The following ITPK1 variants were observed in gnomAD, a reference collection of about 807,000 sequenced individuals.
ITPK1 encodes the protein inositol 1,3,4-trisphosphate 5/6-kinase.
In ITPK1, 21 loss-of-function variants were observed where a neutral mutation model predicts 45.3. That is an observed-to-expected ratio of 0.46 (90% CI 0.33 to 0.67). The LOEUF is 0.67. Ranked by LOEUF, ITPK1 falls within the 30% of genes least tolerant of loss-of-function variation. The pLI is 0.02. For synonymous variants in ITPK1, 258 were observed against 253.6 expected (o/e 1.02, Z -0.16); for missense variants, 474 against 573.5 (o/e 0.83, Z 1.77).
At chr14:92,948,851 G>GACCCACA (rs1388194799) in intron 9 of ITPK1, among the ~76,000 whole-genome samples, 1 of 101,746 alleles carries the variant, frequency 9.8e-6, no homozygotes, top group East Asian at 2.9e-4. Context: ...CCAAGTCCGG[G>GACCCACA]CGCCGCCCAC....
intron 2 of ITPK1, among the ~76,000 whole-genome samples, chr14:93,099,948 G>A (rs1179767318): frequency 6.6e-6 from 1 of 152,222 alleles, no homozygotes; most frequent in Non-Finnish European, 1.5e-5. Flanking sequence ...AGAGCTGGAA[G>A]CTGAGGGAGA....
intron 10 of ITPK1, 66 bp from the exon 11 acceptor site, chr14:92,941,970 A>G: frequency 1.4e-6 from 2 of 1,412,930 alleles, no homozygotes; most frequent in East Asian, 2.4e-5. Flanking sequence ...AGGGAGGAGG[A>G]GGAGGAGGCA....
At chr14:93,091,275 A>G (rs1891856208) in intron 2 of ITPK1, among the ~76,000 whole-genome samples, 1 of 152,226 alleles carries the variant, frequency 6.6e-6, no homozygotes, top group African/African-American at 2.4e-5. Context: ...GTCAGTACAG[A>G]ATACTCAGGC....
chr14:93,065,294 T>C (rs1044007776), intron 3 of ITPK1, among the ~76,000 whole-genome samples: 1 of 152,204 alleles, frequency 6.6e-6, no homozygotes, highest in Non-Finnish European at 1.5e-5. Context: ...TCCTTTCATT[T>C]TGGCTCATCT....
intron 5 of ITPK1, among the ~76,000 whole-genome samples, chr14:92,986,679 C>G (rs905638839): frequency 6.6e-6 from 1 of 152,074 alleles, no homozygotes; most frequent in Non-Finnish European, 1.5e-5. Flanking sequence ...GGTTGGTGGG[C>G]TGTGGGTGGA....
rs200749501 is a variant in ITPK1 at position 93,057,278 on chromosome 14, T to C, written c.120+19317A>G. ...GTGCATTTGCTATACACAGAAACAC[T>C]GCACCCAGGCGAGGTCCAACGTGGA... On this transcript the variant is annotated intron_variant, in intron 3 of 10. Transcript: ENST00000267615. 1.5e-3 allele frequency among the ~76,000 whole-genome samples: 228 copies of C among 152,286 alleles called. 1 individual carries two copies. Among genetic ancestry groups the C allele is most frequent in the African/African-American group, 5.2e-3 (214 of 41,552 alleles).
In ITPK1 at chr14:92,957,998, T is replaced by C. The variant is rs572079620; in HGVS notation, c.670+203A>G. 6.0e-4 allele frequency among the ~76,000 whole-genome samples: 91 copies of C among 152,262 alleles called. 2 individuals are homozygous for C. In the South Asian group the frequency reaches 0.018, roughly 30 times the overall value. ...TTCAGGTGGGTGGGGCCCCCTACAA[T>C]GACCCAGGGAATAGGGACATTTTAC... On this transcript the variant is annotated intron_variant, in intron 8 of 10. Transcript: ENST00000267615.
At chr14:92,991,912 T>C (rs1057336672) in intron 5 of ITPK1, among the ~76,000 whole-genome samples, 13 of 152,188 alleles carry the variant, frequency 8.5e-5, no homozygotes, top group African/African-American at 3.1e-4. Flanking sequence ...GGTCCCATGC[T>C]AAGTGCTCTG....
intron 2 of ITPK1, among the ~76,000 whole-genome samples, chr14:93,102,883 G>A (rs2402243): frequency 0.16 from 23,638 of 151,898 alleles, 2,193 homozygotes; most frequent in South Asian, 0.28. Context: ...GGCGGATCAC[G>A]AGGTCAGGAG....
At chr14:93,024,064 A>G (rs576741172) in intron 3 of ITPK1, among the ~76,000 whole-genome samples, 2 of 152,070 alleles carry the variant, frequency 1.3e-5, no homozygotes, top group African/African-American at 4.8e-5. Flanking sequence ...AAAAAAAGGG[A>G]GCATAAAAGG....
rs144734659 is a variant in ITPK1 at position 92,958,570 on chromosome 14, G to A, written c.505-204C>T. 4.6e-5 allele frequency among the ~76,000 whole-genome samples: 7 copies of A among 152,306 alleles called. No individual in the cohort carries two copies. Among genetic ancestry groups the A allele is most frequent in the African/African-American group, 4.8e-5 (2 of 41,568 alleles). On this transcript the variant is annotated intron_variant, in intron 7 of 10. Coordinates refer to ENST00000267615, the MANE Select transcript of ITPK1 (RefSeq NM_014216.6). The surrounding 1 kb of genome is among the most constrained non-coding windows in gnomAD (Gnocchi z 4.4). Reference sequence around the variant, plus strand: ...CCTGGGGATGCATCCCTTCTGCCACGGGGTTGGAGATCCTCCCTTCACCGG... The same window carrying A: ...CCTGGGGATGCATCCCTTCTGCCACAGGGTTGGAGATCCTCCCTTCACCGG...
intron 4 of ITPK1, among the ~76,000 whole-genome samples, chr14:93,013,493 A>C (rs545994467): frequency 4.6e-5 from 7 of 152,194 alleles, no homozygotes; most frequent in Admixed American, 4.6e-4. Flanking sequence ...AGCCCAGTGC[A>C]GTGCTCTGGG....
At chr14:93,081,101 G>A (rs2139991027) in intron 2 of ITPK1, among the ~76,000 whole-genome samples, 1 of 151,678 alleles carries the variant, frequency 6.6e-6, no homozygotes, top group East Asian at 2.0e-4. Flanking sequence ...AGGCCGAGGT[G>A]GGCCTCCCAA....
intron 2 of ITPK1, among the ~76,000 whole-genome samples, chr14:93,081,270 G>A (rs1358794744): frequency 2.0e-5 from 3 of 151,938 alleles, no homozygotes; most frequent in African/African-American, 7.2e-5. Context: ...GGAGGCGGGG[G>A]TTGCAGTGAG....
At chr14:93,015,978 T>C (rs3783903) in intron 4 of ITPK1, among the ~76,000 whole-genome samples, 32,016 of 152,188 alleles carry the variant, frequency 0.21, 4,051 homozygotes, top group East Asian at 0.32. Flanking sequence ...CCATCTTGAC[T>C]GCACTTTCAC....
chr14:93,042,980 T>C (rs929721927), intron 3 of ITPK1, among the ~76,000 whole-genome samples: 1 of 151,844 alleles, frequency 6.6e-6, no homozygotes, highest in Non-Finnish European at 1.5e-5. Flanking sequence ...ATCGCACCAC[T>C]GCACCCCAGC....
intron 5 of ITPK1, among the ~76,000 whole-genome samples, chr14:92,964,168 A>C (rs1885227654): frequency 1.3e-5 from 2 of 152,176 alleles, no homozygotes; most frequent in African/African-American, 4.8e-5. Context: ...CCAAACAGAA[A>C]GATTTGGGGG....
chr14:92,970,574 T>C (rs1297469285), intron 5 of ITPK1, among the ~76,000 whole-genome samples: 3 of 152,114 alleles, frequency 2.0e-5, no homozygotes, highest in African/African-American at 7.2e-5. Context: ...AGGGGCCCCA[T>C]TGTGTTGCTG....
chr14:93,078,926 G>A (rs982818239), intron 2 of ITPK1, among the ~76,000 whole-genome samples: 6 of 152,240 alleles, frequency 3.9e-5, no homozygotes, highest in East Asian at 1.9e-4. Flanking sequence ...CCAAATCACC[G>A]AGACTGTGAA....
Sources: allele counts gnomAD v4.1 joint callset (sites outside exome capture counted in the v4.1 genomes callset), GRCh38; gene constraint gnomAD v4.1.1; non-coding constraint Gnocchi (gnomAD v3.1); transcripts MANE v1.5; gene names NCBI Gene and HGNC (gene_info 2026-07-23, HGNC 2026-07-21).